The following CPEB3 variants were observed in gnomAD, a reference collection of about 807,000 sequenced individuals.
CPEB3 encodes cytoplasmic polyadenylation element binding protein 3, also known as cytoplasmic polyadenylation element-binding protein 3.
CPEB3 carries 20 observed loss-of-function variants against 67.2 expected under a neutral mutation model. The ratio of observed to expected loss-of-function variants is 0.30; its 90% confidence interval spans 0.21 to 0.43. The LOEUF is 0.43. Ranked by LOEUF, CPEB3 falls within the 20% of genes least tolerant of loss-of-function variation. The pLI is 1.00. For synonymous variants in CPEB3, 376 were observed against 393.1 expected (o/e 0.96, Z 0.51); for missense variants, 746 against 968.6 (o/e 0.77, Z 3.05).
chr10:92,211,536 A>ATTT (rs200179192), intron 2 of CPEB3, among the ~76,000 whole-genome samples: 1 of 140,782 alleles, frequency 7.1e-6, no homozygotes, highest in Non-Finnish European at 1.6e-5. Flanking sequence ...ATATATCATA[A>ATTT]TTTTTTTTTT....
At chr10:92,084,525 G>C (rs897763873) in intron 8 of CPEB3, among the ~76,000 whole-genome samples, 3 of 152,070 alleles carry the variant, frequency 2.0e-5, no homozygotes, top group African/African-American at 7.2e-5. Flanking sequence ...TGGGAGAAGA[G>C]TATGAAAATT....
chr10:92,116,262 A>AT (rs60197509), intron 6 of CPEB3, among the ~76,000 whole-genome samples: 19,236 of 138,598 alleles, frequency 0.14, 1,498 homozygotes, highest in African/African-American at 0.22. Context: ...TAAAAAAAAA[A>AT]AAAAATAATA....
intron 7 of CPEB3, among the ~76,000 whole-genome samples, chr10:92,106,364 T>A (rs1387955280): frequency 6.6e-6 from 1 of 151,958 alleles, no homozygotes; most frequent in African/African-American, 2.4e-5. Flanking sequence ...TCAAACATGG[T>A]CTGAAGGAAG....
chr10:92,199,049 C>T (rs1276857423), intron 2 of CPEB3, among the ~76,000 whole-genome samples: 4 of 152,182 alleles, frequency 2.6e-5, no homozygotes, highest in African/African-American at 4.8e-5. Flanking sequence ...ATGACTGCAA[C>T]ATATACATGG....
chr10:92,133,916 A>C (rs1845963382), intron 6 of CPEB3, among the ~76,000 whole-genome samples: 1 of 152,118 alleles, frequency 6.6e-6, no homozygotes. Flanking sequence ...ACAACAAAAA[A>C]ACCACGATTA....
intron 6 of CPEB3, among the ~76,000 whole-genome samples, chr10:92,142,413 A>C (rs559864668): frequency 6.6e-6 from 1 of 152,356 alleles, no homozygotes; most frequent in South Asian, 2.1e-4. Context: ...TCACCAGTAA[A>C]GTTCCCTAGA....
chr10:92,146,009 T>C (rs1304162925), intron 4 of CPEB3, among the ~76,000 whole-genome samples: 2 of 152,136 alleles, frequency 1.3e-5, no homozygotes, highest in African/African-American at 4.8e-5. Context: ...GGTAAGTAAA[T>C]GAAAACACAT....
At chr10:92,228,086 C>G (rs1353658584) in intron 2 of CPEB3, among the ~76,000 whole-genome samples, 1 of 152,056 alleles carries the variant, frequency 6.6e-6, no homozygotes, top group Non-Finnish European at 1.5e-5. Flanking sequence ...CAGGCTCTCA[C>G]CATGTTTGCC....
chr10:92,077,868 C>G (rs933293323), intron 9 of CPEB3, among the ~76,000 whole-genome samples: 2 of 151,642 alleles, frequency 1.3e-5, no homozygotes, highest in Non-Finnish European at 2.9e-5. Context: ...TCAGGGCAAA[C>G]GAAGAAGATG....
chr10:92,110,930 A>G, intron 7 of CPEB3, 146 bp downstream of exon 7: 2 of 694,920 alleles, frequency 2.9e-6, no homozygotes, highest in South Asian at 1.7e-5. Flanking sequence ...CCCATCACCA[A>G]CGAAAGTCCA....
chr10:92,250,287 C>T (rs961697306), intron 1 of CPEB3, among the ~76,000 whole-genome samples: 3 of 151,610 alleles, frequency 2.0e-5, no homozygotes, highest in African/African-American at 4.8e-5. Context: ...GGGGTTTCAC[C>T]GTGTTAGCCA....
chr10:92,066,725 C>G (rs1374402839), intron 9 of CPEB3, among the ~76,000 whole-genome samples: 3 of 152,134 alleles, frequency 2.0e-5, no homozygotes, highest in Non-Finnish European at 4.4e-5. Flanking sequence ...AGGGCCTCCA[C>G]CAACAGACAA....
intron 4 of CPEB3, among the ~76,000 whole-genome samples, chr10:92,178,148 T>C (rs1848305570): frequency 6.6e-6 from 1 of 151,948 alleles, no homozygotes; most frequent in Non-Finnish European, 1.5e-5. Flanking sequence ...TTGTTACTTC[T>C]TCTCAATTAT....
At chr10:92,208,657 G>GA (rs1564868990) in intron 2 of CPEB3, among the ~76,000 whole-genome samples, 2 of 151,176 alleles carry the variant, frequency 1.3e-5, no homozygotes, top group African/African-American at 4.9e-5. Flanking sequence ...GCAGTTGGGG[G>GA]ATCTGAGCTC....
chr10:92,155,995 G>C (rs1847190633), intron 4 of CPEB3, among the ~76,000 whole-genome samples: 1 of 152,024 alleles, frequency 6.6e-6, no homozygotes, highest in Non-Finnish European at 1.5e-5. Context: ...CATAAATGTA[G>C]GGTGTTATTT....
intron 1 of CPEB3, among the ~76,000 whole-genome samples, chr10:92,258,113 T>C (rs1246889259): frequency 6.6e-6 from 1 of 151,726 alleles, no homozygotes; most frequent in African/African-American, 2.4e-5. Flanking sequence ...TTTTTTTTTT[T>C]CTGAAACCAA....
At chr10:92,214,956 G>C (rs895871517) in intron 2 of CPEB3, among the ~76,000 whole-genome samples, 1 of 149,920 alleles carries the variant, frequency 6.7e-6, no homozygotes, top group African/African-American at 2.5e-5. Context: ...CAAGTGATTC[G>C]CATGCCTCAG....
At chr10:92,189,429 T>C (rs1848852099) in intron 3 of CPEB3, among the ~76,000 whole-genome samples, 1 of 152,200 alleles carries the variant, frequency 6.6e-6, no homozygotes, top group Admixed American at 6.5e-5. Flanking sequence ...CAGTTTCTAG[T>C]GCCAGGGACT....
At chr10:92,083,311 T>A (rs1843232108) in intron 8 of CPEB3, among the ~76,000 whole-genome samples, 1 of 152,174 alleles carries the variant, frequency 6.6e-6, no homozygotes, top group South Asian at 2.1e-4. Context: ...ACCACTATGG[T>A]CAGAATTACT....
Sources: gnomAD v4.1 joint callset for allele counts (sites outside exome capture counted in the v4.1 genomes callset) on GRCh38, gnomAD v4.1.1 for gene constraint, MANE v1.5 for transcripts, NCBI Gene and HGNC (gene_info 2026-07-23, HGNC 2026-07-21) for gene names.